The following DNAH17 variants were observed in gnomAD, a reference collection of about 807,000 sequenced individuals.
The protein encoded by DNAH17 is axonemal beta dynein heavy chain 17.
In DNAH17, 376 loss-of-function variants were observed where a neutral mutation model predicts 485.6. The ratio of observed to expected loss-of-function variants is 0.77; its 90% confidence interval spans 0.71 to 0.84. DNAH17 has a LOEUF of 0.84. DNAH17 is among the 40% of genes least tolerant of loss of function. DNAH17 has a pLI of 0.00. For missense variants in DNAH17, 6,370 were observed against 5,839.3 expected (o/e 1.09, Z -2.96); for synonymous variants, 3,031 against 2,405.9 (o/e 1.26, Z -7.60).
At chr17:78,478,627 TATA>T (rs1396312620) in intron 51 of DNAH17, among the ~76,000 whole-genome samples, 2 of 141,852 alleles carry the variant, frequency 1.4e-5, no homozygotes, top group South Asian at 2.3e-4. Flanking sequence ...CCCCCATTAT[TATA>T]ATCATTATCA....
At chr17:78,446,777 G>A (rs1258001047) in intron 69 of DNAH17, among the ~76,000 whole-genome samples, 1 of 152,122 alleles carries the variant, frequency 6.6e-6, no homozygotes, top group Admixed American at 6.5e-5. Flanking sequence ...CCAAGTAGCT[G>A]GAATTACAGG....
chr17:78,543,287 G>GTATT (rs1200669389), intron 17 of DNAH17, among the ~76,000 whole-genome samples: 5 of 139,262 alleles, frequency 3.6e-5, no homozygotes, highest in African/African-American at 1.4e-4. Context: ...GTTAATTTTT[G>GTATT]TTTTTTTTTT....
At chr17:78,475,989 C>T (rs2088999047) in intron 52 of DNAH17, 156 bp from the exon 53 acceptor site, 4 of 784,116 alleles carry the variant, frequency 5.1e-6, no homozygotes, top group Non-Finnish European at 5.9e-6. Context: ...GCCGTGGGCC[C>T]AGCAAACCAC....
At chr17:78,575,440 G>A (rs1406301763) in intron 1 of DNAH17, among the ~76,000 whole-genome samples, 1 of 152,208 alleles carries the variant, frequency 6.6e-6, no homozygotes, top group Non-Finnish European at 1.5e-5. Flanking sequence ...GGTAGGAAAA[G>A]GCAGAACAAG....
intron 54 of DNAH17, among the ~76,000 whole-genome samples, chr17:78,471,814 C>T (rs1376709738): frequency 6.6e-6 from 1 of 152,180 alleles, no homozygotes; most frequent in African/African-American, 2.4e-5. Context: ...CCCTCCACTC[C>T]CGTCCTCTTA....
At chr17:78,502,327 C>T in intron 33 of DNAH17, 1 of 372,272 alleles carries the variant, frequency 2.7e-6, no homozygotes. Flanking sequence ...TTTTTAAAGA[C>T]TCTCAGTAGC....
At position 78,431,328 on chromosome 17, in the gene DNAH17, C is replaced by T. The variant is rs527263079; in HGVS notation, c.12226-2028G>A. 1.8e-4 allele frequency among the ~76,000 whole-genome samples: 28 copies of T among 152,320 alleles called. No individual in the cohort carries two copies. The South Asian group carries it at 3.5e-3, about 19-fold the overall frequency. ...CTTTGGAGGCAGCGTCTGTGTCTCC[C>T]GAGAGGCAGGAAGACCTGTGCCCCT... On this transcript the variant is annotated intron_variant, in intron 75 of 80. Transcript: ENST00000389840.
chr17:78,555,054 G>A (rs1237658423), intron 14 of DNAH17, among the ~76,000 whole-genome samples: 2 of 152,152 alleles, frequency 1.3e-5, no homozygotes, highest in Non-Finnish European at 2.9e-5. Context: ...GCCCATTTTA[G>A]TGCTTTAAAT....
intron 17 of DNAH17, among the ~76,000 whole-genome samples, chr17:78,543,225 C>CT (rs767008534): frequency 3.1e-4 from 47 of 152,246 alleles, no homozygotes; most frequent in East Asian, 2.3e-3. Context: ...AGCGATTCTC[C>CT]TGCCTCAGCC....
intron 73 of DNAH17, among the ~76,000 whole-genome samples, chr17:78,438,452 G>GGGAGGAGGGAGGA (rs2086938239): frequency 1.5e-5 from 1 of 68,292 alleles, no homozygotes; most frequent in African/African-American, 7.1e-5. Flanking sequence ...GGAGGGAGGA[G>GGGAGGAGGGAGGA]GGAGGAGGAG....
At chr17:78,450,647 T>G (rs1406061064) in intron 67 of DNAH17, 35 bp downstream of exon 67, 2 of 1,596,662 alleles carry the variant, frequency 1.3e-6, no homozygotes, top group Non-Finnish European at 1.7e-6. Flanking sequence ...TCCCAAGCCC[T>G]GGCTGCCAGG....
At chr17:78,432,864 G>A (rs1029265688) in intron 75 of DNAH17, among the ~76,000 whole-genome samples, 29 of 149,128 alleles carry the variant, frequency 1.9e-4, no homozygotes, top group African/African-American at 6.8e-4. Flanking sequence ...ACTTGCTGGA[G>A]GTCTCAGTGA....
At chr17:78,524,975 C>A in intron 25 of DNAH17, 34 bp downstream of exon 25, 2 of 1,582,172 alleles carry the variant, frequency 1.3e-6, no homozygotes, top group South Asian at 1.1e-5. Flanking sequence ...TGCAGAATCC[C>A]GGGCCCCACC....
In DNAH17 at chr17:78,522,264, C is replaced by T. The variant is rs565322412; in HGVS notation, c.3864+2745G>A. 25 of 191,526 alleles carry T rather than the reference C, an allele frequency of 1.3e-4. No homozygotes were observed. The South Asian group carries it at 1.8e-3, about 14-fold the overall frequency. 11.9% of individuals were successfully genotyped at this position (191,526 alleles called of 1,614,324 possible). A position where few individuals can be genotyped will look rare whatever the true frequency, so the allele number is the denominator to read the frequency against. ...CGGCCACCATGGCGGCTACCGAGGA[C>T]GCTCACGAGAACCACAGTACCTCCA... On this transcript the variant is annotated intron_variant, in intron 25 of 80. Transcript: ENST00000389840.
chr17:78,424,219 G>C (rs1208244641), intron 80 of DNAH17, 66 bp from the exon 81 acceptor site: 29 of 1,542,216 alleles, frequency 1.9e-5, no homozygotes, highest in Non-Finnish European at 2.4e-5. Flanking sequence ...CTGGCAGGAA[G>C]GGTGGGGTCC....
intron 6 of DNAH17, 70 bp downstream of exon 6, chr17:78,570,878 A>AAAAT: frequency 2.7e-6 from 2 of 735,098 alleles, no homozygotes; most frequent in Non-Finnish European, 4.0e-6. Context: ...AAAAAAAAAA[A>AAAAT]GAAAAAAGAA....
At chr17:78,548,120 T>C (rs566333877) in intron 16 of DNAH17, among the ~76,000 whole-genome samples, 1 of 152,084 alleles carries the variant, frequency 6.6e-6, no homozygotes, top group African/African-American at 2.4e-5. Context: ...TTGACTTTCT[T>C]AGCCATGTCC....
In DNAH17 at chr17:78,507,351, C is replaced by T. The variant is rs758741572; in HGVS notation, c.4603G>A (p.Val1535Met). The T allele has an allele frequency of 2.5e-6, 4 of 1,614,032 alleles. No individual in the cohort carries two copies. Among genetic ancestry groups the T allele is most frequent in the Non-Finnish European group, 3.4e-6 (4 of 1,179,898 alleles). ...QEFKALMEDA[V>M]KTPNVVEATS... The stretch of plus-strand genomic sequence containing the variant: ...GCTTCCACCACGTTGGGTGTTTTCA[C>T]TGCATCTTCCATCAAGGCCTGGGAA... The change falls in exon 29 of 81, where the codon GTG becomes ATG. Residue 1535 changes from valine (V) to methionine (M), a missense_variant. Transcript: ENST00000389840.
Position 78,423,880 on chromosome 17 carries a change from AGT to A in DNAH17, c.*24_*25del, listed in dbSNP as rs1251940431. On this transcript the variant is annotated 3_prime_UTR_variant, in exon 81 of 81. Coordinates refer to ENST00000389840, the MANE Select transcript of DNAH17 (RefSeq NM_173628.4). ...GCTGAGTTGTGGTCCAGCCCCAGGG[AGT>A]GTGGGCTGTGAGGCAGGAGCGAGCT... is the stretch of plus-strand genomic sequence containing the variant. 4 of 1,612,446 alleles carry A rather than the reference AGT, an allele frequency of 2.5e-6. No homozygotes were observed. The highest frequency in any genetic ancestry group is 2.2e-5 in the East Asian group (1 of 44,876).
Sources: allele counts gnomAD v4.1 joint callset (sites outside exome capture counted in the v4.1 genomes callset), GRCh38; gene constraint gnomAD v4.1.1; transcripts MANE v1.5; gene names NCBI Gene and HGNC (gene_info 2026-07-23, HGNC 2026-07-21).